GABRG3: variants seen among roughly 807,000 people sequenced by gnomAD.
GABRG3 encodes the protein gamma-aminobutyric acid receptor subunit gamma-3.
Under a neutral mutation model 48.8 loss-of-function variants are expected in GABRG3, and 25 were observed. The ratio of observed to expected loss-of-function variants is 0.51; its 90% confidence interval spans 0.37 to 0.72. The LOEUF (loss-of-function observed/expected upper bound fraction) is 0.72, where lower values mean the gene tolerates loss of function less well. Ranked by LOEUF, GABRG3 falls within the 30% of genes least tolerant of loss-of-function variation. GABRG3 has a pLI of 0.00. For missense variants in GABRG3, 394 were observed against 577.9 expected (o/e 0.68, Z 3.26); for synonymous variants, 227 against 217.6 (o/e 1.04, Z -0.38).
At chr15:27,392,720 T>G (rs562976971) in intron 5 of GABRG3, among the ~76,000 whole-genome samples, 1 of 152,320 alleles carries the variant, frequency 6.6e-6, no homozygotes, top group South Asian at 2.1e-4. Flanking sequence ...AAAGGTAAAT[T>G]TGTCCTTCTC....
intron 3 of GABRG3, among the ~76,000 whole-genome samples, chr15:27,087,040 G>A (rs940897179): frequency 1.3e-5 from 2 of 152,252 alleles, no homozygotes; most frequent in African/African-American, 2.4e-5. Flanking sequence ...CTTGCTTCAT[G>A]AGCCATCACA....
Position 27,446,924 on chromosome 15 carries a change from G to A in GABRG3, c.575-33726G>A, listed in dbSNP as rs115262533. ...CATTCACACACATATACTCATGCCC[G>A]CACCGACTCACACACTTTGTGCCTT... is the stretch of plus-strand genomic sequence containing the variant. On this transcript the variant is annotated intron_variant, in intron 5 of 9. Coordinates refer to ENST00000615808, the MANE Select transcript of GABRG3 (RefSeq NM_033223.5). 9.4e-3 allele frequency among the ~76,000 whole-genome samples: 1,422 copies of A among 152,082 alleles called. 20 individuals carry two copies. Among genetic ancestry groups the A allele is most frequent in the African/African-American group, 0.033 (1,366 of 41,482 alleles).
At chr15:27,497,694 A>G (rs906951554) in intron 6 of GABRG3, among the ~76,000 whole-genome samples, 1 of 152,146 alleles carries the variant, frequency 6.6e-6, no homozygotes, top group Non-Finnish European at 1.5e-5. Flanking sequence ...TTTATGTATG[A>G]TATTTTTTGA....
At chr15:27,174,116 G>A (rs1179824331) in intron 3 of GABRG3, among the ~76,000 whole-genome samples, 1 of 152,058 alleles carries the variant, frequency 6.6e-6, no homozygotes, top group African/African-American at 2.4e-5. Flanking sequence ...GAATGGCAAT[G>A]TTATTTTACT....
intron 5 of GABRG3, among the ~76,000 whole-genome samples, chr15:27,475,791 ATGG>A (rs1007458760): frequency 4.0e-5 from 6 of 151,528 alleles, no homozygotes; most frequent in African/African-American, 1.5e-4. Flanking sequence ...GGTGGTGGTG[ATGG>A]TGATGATGGT....
At chr15:27,421,883 C>T (rs1394245975) in intron 5 of GABRG3, among the ~76,000 whole-genome samples, 2 of 151,762 alleles carry the variant, frequency 1.3e-5, no homozygotes, top group Non-Finnish European at 2.9e-5. Flanking sequence ...GGCTGCATAT[C>T]CACCAATACT....
At chr15:27,098,189 T>A (rs1897297181) in intron 3 of GABRG3, among the ~76,000 whole-genome samples, 1 of 152,064 alleles carries the variant, frequency 6.6e-6, no homozygotes, top group Admixed American at 6.6e-5. Context: ...ATCCCAGCAC[T>A]TTGAGAGGCC....
chr15:27,448,128 TA>T (rs1555383124), intron 5 of GABRG3, among the ~76,000 whole-genome samples: 1 of 151,892 alleles, frequency 6.6e-6, no homozygotes, highest in Non-Finnish European at 1.5e-5. Flanking sequence ...ACGTTTTTTT[TA>T]AAAAAAGGAC....
rs1891468373 is a variant in GABRG3, at chr15:27,533,075, C to T, written c.*194C>T. ...TGTATTTTACACACACACATACATACACACACACAGCTAATTGAGTTTTAA... is the reference window on the plus strand; with the variant it reads ...TGTATTTTACACACACACATACATATACACACACAGCTAATTGAGTTTTAA... On this transcript the variant is annotated 3_prime_UTR_variant, in exon 10 of 10. Transcript: ENST00000615808. 7.3e-6 allele frequency: 4 copies of T among 549,748 alleles called. No individual in the cohort carries two copies. Among genetic ancestry groups the T allele is most frequent in the Non-Finnish European group, 9.7e-6 (3 of 310,246 alleles). 34.1% of individuals were successfully genotyped at this position (549,748 alleles called of 1,614,324 possible).
intron 3 of GABRG3, among the ~76,000 whole-genome samples, chr15:27,176,151 A>G (rs1887738734): frequency 6.6e-6 from 1 of 152,200 alleles, no homozygotes; most frequent in South Asian, 2.1e-4. Context: ...CACAGCTTTT[A>G]CTATGCTAAT....
At chr15:27,220,328 G>A (rs1222394743) in intron 3 of GABRG3, among the ~76,000 whole-genome samples, 2 of 152,138 alleles carry the variant, frequency 1.3e-5, no homozygotes. Flanking sequence ...GATTTGAGGT[G>A]AGCAGAAAGG....
chr15:27,122,402 T>C (rs920779703), intron 3 of GABRG3, among the ~76,000 whole-genome samples: 44 of 152,308 alleles, frequency 2.9e-4, no homozygotes, highest in African/African-American at 1.0e-3. Flanking sequence ...TCTTTGACAG[T>C]TGAAGAAAGT....
intron 5 of GABRG3, among the ~76,000 whole-genome samples, chr15:27,413,672 T>C (rs2140602281): frequency 6.6e-6 from 1 of 152,256 alleles, no homozygotes; most frequent in East Asian, 1.9e-4. Context: ...AGACGGAGAA[T>C]GCAGAGGGAG....
rs1891529082 is a variant in GABRG3, at chr15:27,535,547, A to T, written c.*2666A>T. On this transcript the variant is annotated 3_prime_UTR_variant, in exon 10 of 10. Coordinates refer to ENST00000615808, the MANE Select transcript of GABRG3 (RefSeq NM_033223.5). ...GGAAGGAGAACCTTCATCTCAAGAA[A>T]GTCCAATGGATTTCACTAACTGAGC... 6.6e-6 allele frequency: 1 copy of T among 152,212 alleles called. No homozygotes were observed. The allele number at this position is 152,212 out of a possible 1,614,324, so 9.4% of individuals were successfully genotyped here.
chr15:27,070,326 A>T (rs994893410), intron 3 of GABRG3, among the ~76,000 whole-genome samples: 12 of 152,230 alleles, frequency 7.9e-5, no homozygotes, highest in Non-Finnish European at 1.5e-4. Context: ...CTGGAACATT[A>T]TCAAGAGGTT....
At chr15:27,453,689 C>T (rs936459985) in intron 5 of GABRG3, among the ~76,000 whole-genome samples, 2 of 152,188 alleles carry the variant, frequency 1.3e-5, no homozygotes, top group East Asian at 3.9e-4. Context: ...GCAACCTCCA[C>T]CTCCCAGATT....
chr15:27,028,358 G>A (rs1293372034), intron 3 of GABRG3, among the ~76,000 whole-genome samples: 1 of 152,174 alleles, frequency 6.6e-6, no homozygotes, highest in Non-Finnish European at 1.5e-5. Flanking sequence ...AGAGATGCCT[G>A]GAGGGGCACA....
intron 3 of GABRG3, among the ~76,000 whole-genome samples, chr15:27,284,273 G>GA (rs1440981140): frequency 2.6e-5 from 4 of 152,076 alleles, no homozygotes; most frequent in Admixed American, 6.6e-5. Flanking sequence ...ACGAATCACA[G>GA]AAAAAATATT....
At chr15:27,386,550 CT>C (rs995756938) in intron 5 of GABRG3, among the ~76,000 whole-genome samples, 4 of 150,664 alleles carry the variant, frequency 2.7e-5, no homozygotes, top group Non-Finnish European at 4.4e-5. Flanking sequence ...ACTTGGGGGA[CT>C]TTTTTTTTCA....
Sources: allele counts gnomAD v4.1 joint callset (sites outside exome capture counted in the v4.1 genomes callset), GRCh38; gene constraint gnomAD v4.1.1; transcripts MANE v1.5; gene names NCBI Gene and HGNC (gene_info 2026-07-23, HGNC 2026-07-21).